Variants in RAP1GAP2 observed in about 807,000 individuals in gnomAD.
RAP1GAP2 encodes RAP1 GTPase activating protein 2.
A neutral mutation model predicts 95.0 loss-of-function variants in RAP1GAP2; 27 were observed. That is an observed-to-expected ratio of 0.28 (90% CI 0.21 to 0.39). RAP1GAP2 has a LOEUF of 0.39. Ranked by LOEUF, RAP1GAP2 falls within the 10% of genes least tolerant of loss-of-function variation. The probability of loss-of-function intolerance (pLI) is 1.00; values close to 1 mark genes in which losing one functional copy is unlikely to be tolerated. For synonymous variants in RAP1GAP2, 373 were observed against 380.9 expected (o/e 0.98, Z 0.24); for missense variants, 771 against 970.0 (o/e 0.79, Z 2.72).
chr17:2,800,621 C>T, intron 2 of RAP1GAP2, 71 bp downstream of exon 2: 2 of 1,520,956 alleles, frequency 1.3e-6, no homozygotes, highest in Non-Finnish European at 1.8e-6. Flanking sequence ...CTTGCTCCCC[C>T]CAGGTTGTGG....
At chr17:2,844,644 G>C (rs1279924774) in intron 2 of RAP1GAP2, among the ~76,000 whole-genome samples, 1 of 152,124 alleles carries the variant, frequency 6.6e-6, no homozygotes, top group Non-Finnish European at 1.5e-5. Flanking sequence ...TACCTTTTAG[G>C]CTAAAAGGAC....
At chr17:2,893,767 G>T (rs2073797129) in intron 2 of RAP1GAP2, among the ~76,000 whole-genome samples, 1 of 152,260 alleles carries the variant, frequency 6.6e-6, no homozygotes, top group Non-Finnish European at 1.5e-5. Context: ...CCCGGGAGGG[G>T]AACTGCTCTG....
At chr17:2,928,703 C>G (rs1445328352) in intron 3 of RAP1GAP2, among the ~76,000 whole-genome samples, 1 of 152,098 alleles carries the variant, frequency 6.6e-6, no homozygotes, top group African/African-American at 2.4e-5. Flanking sequence ...GCAGCGCCTT[C>G]CAGCCCACCG....
chr17:2,853,821 G>T, intron 2 of RAP1GAP2: 1 of 637,352 alleles, frequency 1.6e-6, no homozygotes, highest in Non-Finnish European at 1.9e-6. Context: ...GTCGCCGGGA[G>T]GGAGGGGAGA....
chr17:2,865,959 T>C (rs2072596811), intron 2 of RAP1GAP2, among the ~76,000 whole-genome samples: 1 of 152,204 alleles, frequency 6.6e-6, no homozygotes, highest in Non-Finnish European at 1.5e-5. Flanking sequence ...CCTCCATCAA[T>C]ATGCGGGTGC....
At chr17:2,884,675 A>G (rs2073423718) in intron 2 of RAP1GAP2, among the ~76,000 whole-genome samples, 1 of 152,044 alleles carries the variant, frequency 6.6e-6, no homozygotes, top group South Asian at 2.1e-4. Flanking sequence ...CGCCCAGCCT[A>G]GCGTTCTTGA....
chr17:2,854,079 C>T, intron 2 of RAP1GAP2: 1 of 985,374 alleles, frequency 1.0e-6, no homozygotes, highest in Non-Finnish European at 1.2e-6. Flanking sequence ...TGCACAAATC[C>T]CGGAGGCAGA....
At chr17:2,847,695 G>GGAA (rs5818877) in intron 2 of RAP1GAP2, among the ~76,000 whole-genome samples, 117,718 of 151,488 alleles carry the variant, frequency 0.78, 46,212 homozygotes, top group African/African-American at 0.9. Context: ...TGGAAGAGGT[G>GGAA]GAAGTGGCTT....
intron 2 of RAP1GAP2, among the ~76,000 whole-genome samples, chr17:2,898,213 A>G (rs1047918088): frequency 1.2e-4 from 19 of 152,230 alleles, no homozygotes; most frequent in East Asian, 3.9e-4. Flanking sequence ...CACCCGGCCA[A>G]CGGGGGAGTT....
chr17:2,910,380 C>T (rs1476239418), intron 3 of RAP1GAP2, among the ~76,000 whole-genome samples: 1 of 152,216 alleles, frequency 6.6e-6, no homozygotes, highest in Admixed American at 6.5e-5. Context: ...CAGGCCTCTG[C>T]TTGGTTGACA....
At chr17:2,948,037 G>A (rs574211647) in intron 3 of RAP1GAP2, among the ~76,000 whole-genome samples, 23 of 152,252 alleles carry the variant, frequency 1.5e-4, no homozygotes, top group African/African-American at 3.1e-4. Context: ...TGTCCCCTCC[G>A]TGTGTCCTGG....
At chr17:2,925,561 T>G (rs937698864) in intron 3 of RAP1GAP2, among the ~76,000 whole-genome samples, 3 of 152,108 alleles carry the variant, frequency 2.0e-5, no homozygotes, top group South Asian at 2.1e-4. Context: ...CAGTTCGAGA[T>G]GAGATTTGGA....
At chr17:2,884,406 TC>T (rs1184438643) in intron 2 of RAP1GAP2, among the ~76,000 whole-genome samples, 1 of 141,682 alleles carries the variant, frequency 7.1e-6, no homozygotes, top group Non-Finnish European at 1.5e-5. Flanking sequence ...AGAATCTCGC[TC>T]TGTTGCCCAG....
In RAP1GAP2 at chr17:3,018,271, G is replaced by A. The variant is rs928470226; in HGVS notation, c.1632+73G>A. ...CCCCCCAGACCTATGGAGGAAGAGTGCCCCCACCCAGGCTTGGGCAGGTGA... is the reference window on the plus strand; with the variant it reads ...CCCCCCAGACCTATGGAGGAAGAGTACCCCCACCCAGGCTTGGGCAGGTGA... On this transcript the variant is annotated intron_variant, in intron 18 of 24. Coordinates refer to ENST00000254695, the MANE Select transcript of RAP1GAP2 (RefSeq NM_015085.5). The A allele has an allele frequency of 4.7e-6, 7 of 1,489,664 alleles. No individual in the cohort carries two copies. The African/African-American group carries it at 5.8e-5, about 12-fold the overall frequency. 92.3% of individuals were successfully genotyped at this position (1,489,664 alleles called of 1,614,324 possible). A position where few individuals can be genotyped will look rare whatever the true frequency, so the allele number is the denominator to read the frequency against.
At chr17:2,946,828 C>T (rs2043713435) in intron 3 of RAP1GAP2, among the ~76,000 whole-genome samples, 1 of 152,200 alleles carries the variant, frequency 6.6e-6, no homozygotes, top group Non-Finnish European at 1.5e-5. Context: ...GATCTCGGCT[C>T]ACTGCAACCT....
chr17:3,029,019 C>G lies in RAP1GAP2; in HGVS notation c.2108-1903C>G, dbSNP rs1459375302. ...TTCACCATGTTGGCCAGGCTGGTCTCGAACTCCTGACCTCGTGATCCACCC... is the reference window on the plus strand; with the variant it reads ...TTCACCATGTTGGCCAGGCTGGTCTGGAACTCCTGACCTCGTGATCCACCC... On this transcript the variant is annotated intron_variant, in intron 22 of 24. Coordinates refer to ENST00000254695, the MANE Select transcript of RAP1GAP2 (RefSeq NM_015085.5). The surrounding 1 kb of genome is among the most constrained non-coding windows in gnomAD (Gnocchi z 4.4). Among the ~76,000 whole-genome samples, 1 of 152,056 alleles carries G rather than the reference C, an allele frequency of 6.6e-6. No individual in the cohort carries two copies. Among genetic ancestry groups the G allele is most frequent in the Non-Finnish European group, 1.5e-5 (1 of 68,014 alleles).
intron 2 of RAP1GAP2, among the ~76,000 whole-genome samples, chr17:2,824,740 CAA>C (rs940171590): frequency 7.1e-5 from 4 of 56,644 alleles, no homozygotes; most frequent in Admixed American, 1.9e-4. Context: ...AACTCTGTCT[CAA>C]AAAAAAAAAA....
chr17:2,845,815 C>T (rs911626526), intron 2 of RAP1GAP2, among the ~76,000 whole-genome samples: 10 of 150,556 alleles, frequency 6.6e-5, no homozygotes, highest in South Asian at 2.1e-4. Context: ...GAGCCGAGGT[C>T]GCACCACTAC....
chr17:2,763,904 C>G (rs2068230932), intron 1 of RAP1GAP2, among the ~76,000 whole-genome samples: 1 of 151,868 alleles, frequency 6.6e-6, no homozygotes, highest in African/African-American at 2.4e-5. Flanking sequence ...GCTCTTCTTT[C>G]AGCCTGGGGA....
Sources: gnomAD v4.1 joint callset for allele counts (sites outside exome capture counted in the v4.1 genomes callset) on GRCh38, gnomAD v4.1.1 for gene constraint, Gnocchi (gnomAD v3.1) non-coding constraint, MANE v1.5 for transcripts, NCBI Gene and HGNC (gene_info 2026-07-23, HGNC 2026-07-21) for gene names.